Variants in SPIDR observed in about 807,000 individuals in gnomAD.
The protein encoded by SPIDR is DNA repair-scaffolding protein.
SPIDR carries 93 observed loss-of-function variants against 104.6 expected under a neutral mutation model. The ratio of observed to expected loss-of-function variants is 0.89; its 90% CI spans 0.75 to 1.06. The LOEUF (loss-of-function observed/expected upper bound fraction) is 1.06. Among genes scored for constraint, SPIDR ranks in the 50% least tolerant of loss-of-function variants. The pLI is 0.00. For synonymous variants in SPIDR, 431 were observed against 416.9 expected, an observed-to-expected ratio of 1.03 and a Z score of -0.41; for missense variants, 1,154 against 1,111.2, an observed-to-expected ratio of 1.04 and a Z score of -0.55.
intron 8 of SPIDR, among the ~76,000 whole-genome samples, chr8:47,567,780 C>CTTT (rs35199139): frequency 4.8e-4 from 34 of 70,990 alleles, no homozygotes; most frequent in Non-Finnish European, 5.5e-4. Flanking sequence ...TTTTCTTTTT[C>CTTT]TTTTTTTTTT....
chr8:47,489,534 A>G (rs2078302140), intron 8 of SPIDR, among the ~76,000 whole-genome samples: 1 of 152,156 alleles, frequency 6.6e-6, no homozygotes, highest in Non-Finnish European at 1.5e-5. Flanking sequence ...AAAAAGAGCC[A>G]CATTGCCAAG....
At chr8:47,341,619 C>T (rs1263989744) in intron 5 of SPIDR, among the ~76,000 whole-genome samples, 2 of 151,410 alleles carry the variant, frequency 1.3e-5, no homozygotes, top group Non-Finnish European at 2.9e-5. Flanking sequence ...CTTTTTTTTC[C>T]CTACACCTGG....
At chr8:47,345,725 A>G (rs528987563) in intron 5 of SPIDR, among the ~76,000 whole-genome samples, 38 of 152,182 alleles carry the variant, frequency 2.5e-4, no homozygotes, top group Admixed American at 1.4e-3. Context: ...CTTTGAAGCA[A>G]TTGTGAATGG....
intron 5 of SPIDR, among the ~76,000 whole-genome samples, chr8:47,331,380 A>G (rs1349926540): frequency 2.6e-5 from 4 of 152,184 alleles, no homozygotes; most frequent in Admixed American, 1.3e-4. Flanking sequence ...CACCTACACT[A>G]TATGGTTAAG....
At chr8:47,524,462 T>G (rs1361472898) in intron 8 of SPIDR, among the ~76,000 whole-genome samples, 1 of 152,200 alleles carries the variant, frequency 6.6e-6, no homozygotes, top group African/African-American at 2.4e-5. Context: ...AGCACTATTT[T>G]GGTAGGTCAG....
At chr8:47,331,543 A>G (rs1242552530) in intron 5 of SPIDR, among the ~76,000 whole-genome samples, 2 of 152,206 alleles carry the variant, frequency 1.3e-5, no homozygotes, top group African/African-American at 2.4e-5. Flanking sequence ...TGTATAGGGC[A>G]CTTACCATGA....
In SPIDR at chr8:47,548,690, C is replaced by T. The variant is rs544029573; in HGVS notation, c.1098-47121C>T. ...GGAAAAAGTAAGAATGATGAAAGGA[C>T]TAATGAAAAATCATTTTAGGAGACA... On this transcript the variant is annotated intron_variant, in intron 8 of 19. Transcript: ENST00000297423. Among the ~76,000 whole-genome samples the T allele has an allele frequency of 1.2e-4, 18 of 152,234 alleles. No homozygotes were observed. In the East Asian group the frequency reaches 3.1e-3, roughly 26 times the overall value.
chr8:47,575,925 T>A (rs1308572368), intron 8 of SPIDR, among the ~76,000 whole-genome samples: 9 of 148,206 alleles, frequency 6.1e-5, no homozygotes, highest in East Asian at 4.0e-4. Flanking sequence ...GCGCCACTGC[T>A]TTCCAGCCTG....
intron 11 of SPIDR, among the ~76,000 whole-genome samples, chr8:47,691,198 C>T (rs2078589078): frequency 6.9e-6 from 1 of 145,492 alleles, no homozygotes; most frequent in South Asian, 2.1e-4. Context: ...GCCCGAAACA[C>T]GAGAATCACT....
intron 10 of SPIDR, among the ~76,000 whole-genome samples, chr8:47,630,180 A>C (rs1393377049): frequency 6.6e-6 from 1 of 152,246 alleles, no homozygotes; most frequent in Non-Finnish European, 1.5e-5. Context: ...TTTTGAACCA[A>C]GATAAAGTAA....
chr8:47,288,514 G>GACC (rs1454035876), intron 3 of SPIDR, among the ~76,000 whole-genome samples: 1 of 152,090 alleles, frequency 6.6e-6, no homozygotes, highest in Non-Finnish European at 1.5e-5. Context: ...TTGAACTTCT[G>GACC]ACCTCGTGAT....
chr8:47,667,220 G>T (rs1380207792), intron 10 of SPIDR, among the ~76,000 whole-genome samples: 1 of 152,052 alleles, frequency 6.6e-6, no homozygotes, highest in African/African-American at 2.4e-5. Context: ...GGCAGAGGTT[G>T]CAGTGACCCG....
intron 8 of SPIDR, among the ~76,000 whole-genome samples, chr8:47,454,313 T>A (rs189695380): frequency 3.3e-5 from 5 of 152,288 alleles, no homozygotes; most frequent in African/African-American, 4.8e-5. Context: ...TAGGATGAGT[T>A]CATGTCCTTT....
rs756812833 is a variant in SPIDR, at chr8:47,701,747, CT to C, written c.1802del (p.Leu601CysfsTer16). 3 of 1,614,136 alleles carry C rather than the reference CT, an allele frequency of 1.9e-6. No individual in the cohort carries two copies. Among genetic ancestry groups the C allele is most frequent in the South Asian group, 1.1e-5 (1 of 91,078 alleles). Reference sequence around the variant, plus strand: ...TAAAAACTCATCTGCCTCCTCCAGCCTTGTGTTACATCCTCACAGCTCATCC... The same window carrying C: ...TAAAAACTCATCTGCCTCCTCCAGCCTGTGTTACATCCTCACAGCTCATCC... ...EIKTHLPPPA[L>X]CYILTAHPNL... On this transcript the variant is annotated frameshift_variant, in exon 13 of 20. Transcript: ENST00000297423. LOFTEE classifies it high-confidence loss of function.
At chr8:47,643,515 G>GTGTTGTTGT (rs33933986) in intron 10 of SPIDR, among the ~76,000 whole-genome samples, 4 of 148,908 alleles carry the variant, frequency 2.7e-5, no homozygotes, top group Non-Finnish European at 4.5e-5. Flanking sequence ...CACCTGGCTA[G>GTGTTGTTGT]TGTTGTTGTT....
intron 5 of SPIDR, among the ~76,000 whole-genome samples, chr8:47,347,685 C>A (rs1172761210): frequency 1.3e-5 from 2 of 151,826 alleles, no homozygotes; most frequent in Non-Finnish European, 2.9e-5. Context: ...CTTGTTGATC[C>A]CTTTACCATT....
chr8:47,347,873 A>C (rs2052493494), intron 5 of SPIDR, among the ~76,000 whole-genome samples: 1 of 152,158 alleles, frequency 6.6e-6, no homozygotes, highest in South Asian at 2.1e-4. Flanking sequence ...TCCTGAATAC[A>C]GCACACTGAT....
chr8:47,366,644 G>C (rs191645742), intron 5 of SPIDR, among the ~76,000 whole-genome samples: 37 of 150,682 alleles, frequency 2.5e-4, no homozygotes, highest in Non-Finnish European at 3.7e-4. Context: ...ATCTTGGCAG[G>C]CTGGCGCCTG....
intron 5 of SPIDR, among the ~76,000 whole-genome samples, chr8:47,317,804 T>C (rs1009377518): frequency 2.6e-5 from 4 of 152,184 alleles, no homozygotes; most frequent in Non-Finnish European, 4.4e-5. Flanking sequence ...TCCGCTGTTC[T>C]GCAGCCTCCA....
Sources: gnomAD v4.1 joint callset for allele counts (sites outside exome capture counted in the v4.1 genomes callset) on GRCh38, gnomAD v4.1.1 for gene constraint, MANE v1.5 for transcripts, NCBI Gene and HGNC (gene_info 2026-07-23, HGNC 2026-07-21) for gene names.